Variants in ADGRL3 observed in about 807,000 individuals in gnomAD.
The protein encoded by ADGRL3 is adhesion G protein-coupled receptor L3, also known as calcium-independent alpha-latrotoxin receptor 3.
In ADGRL3, 62 loss-of-function variants were observed where a neutral mutation model predicts 153.5. The observed-to-expected ratio is 0.40, with a 90% CI of 0.33 to 0.50. The LOEUF is 0.50. ADGRL3 is among the 20% of genes least tolerant of loss of function. ADGRL3 has a pLI of 0.47. For synonymous variants in ADGRL3, 710 were observed against 672.5 expected, an observed-to-expected ratio of 1.06 and a Z score of -0.86; for missense variants, 1,641 against 1,859.4, an observed-to-expected ratio of 0.88 and a Z score of 2.16.
chr4:61,214,025 T>G (rs536640967), intron 1 of ADGRL3, among the ~76,000 whole-genome samples: 3 of 152,328 alleles, frequency 2.0e-5, no homozygotes, highest in East Asian at 3.9e-4. Flanking sequence ...CTCTCAGTTG[T>G]GTATTGTTCA....
chr4:62,013,956 T>C (rs1052448291), intron 21 of ADGRL3, among the ~76,000 whole-genome samples: 4 of 151,966 alleles, frequency 2.6e-5, no homozygotes, highest in African/African-American at 4.8e-5. Flanking sequence ...TACTTCAATA[T>C]GTGTGTGTGT....
intron 6 of ADGRL3, among the ~76,000 whole-genome samples, chr4:61,716,365 T>C (rs1188288940): frequency 6.6e-6 from 1 of 152,136 alleles, no homozygotes; most frequent in Non-Finnish European, 1.5e-5. Flanking sequence ...CAATGTAGCA[T>C]TGCTGCCAGG....
chr4:61,998,440 A>G (rs949868989), intron 21 of ADGRL3, among the ~76,000 whole-genome samples, 175 bp downstream of exon 21: 6 of 152,170 alleles, frequency 3.9e-5, no homozygotes, highest in Admixed American at 6.5e-5. Context: ...GAAAATAAGT[A>G]TAATAGAGTT....
intron 25 of ADGRL3, among the ~76,000 whole-genome samples, chr4:62,066,917 C>A (rs1220672609): frequency 6.6e-6 from 1 of 151,992 alleles, no homozygotes; most frequent in Non-Finnish European, 1.5e-5. Flanking sequence ...AAAGGCTCAG[C>A]CCCTCTGGGC....
At chr4:61,476,501 T>C (rs567748856) in intron 2 of ADGRL3, among the ~76,000 whole-genome samples, 28 of 151,076 alleles carry the variant, frequency 1.9e-4, no homozygotes, top group African/African-American at 6.3e-4. Context: ...AAGTTGGGAG[T>C]TCGAGACCAG....
intron 5 of ADGRL3, among the ~76,000 whole-genome samples, chr4:61,648,226 T>C (rs1258757359): frequency 6.6e-6 from 1 of 152,014 alleles, no homozygotes; most frequent in African/African-American, 2.4e-5. Flanking sequence ...TGACTCTAAG[T>C]ATTCCAGATC....
intron 13 of ADGRL3, among the ~76,000 whole-genome samples, chr4:61,922,680 C>A (rs888286861): frequency 4.6e-5 from 7 of 152,108 alleles, no homozygotes; most frequent in African/African-American, 7.2e-5. Flanking sequence ...AACACATATA[C>A]TTTAAGAAAA....
At chr4:61,639,476 T>C (rs2093571742) in intron 5 of ADGRL3, among the ~76,000 whole-genome samples, 1 of 152,166 alleles carries the variant, frequency 6.6e-6, no homozygotes, top group Non-Finnish European at 1.5e-5. Context: ...TCAAAACCTA[T>C]ACTATATACT....
chr4:61,847,417 A>G (rs1253922004), intron 9 of ADGRL3, among the ~76,000 whole-genome samples: 1 of 149,722 alleles, frequency 6.7e-6, no homozygotes, highest in Non-Finnish European at 1.5e-5. Context: ...ACCACACCAA[A>G]TCTATAGTGC....
rs1553908589 is a variant in ADGRL3, at chr4:62,007,381, T to TATATATATATATATAC, written c.3395+9119_3395+9120insTATATATATATACATA. ...TTATATATATATATATATATATATA[T>TATATATATATATATAC]ATACACACACACACATATATATATA... On this transcript the variant is annotated intron_variant, in intron 21 of 26. Coordinates refer to ENST00000683033, the MANE Select transcript of ADGRL3 (RefSeq NM_001387552.1). Among the ~76,000 whole-genome samples the TATATATATATATATAC allele has an allele frequency of 1.5e-3, 14 of 9,314 alleles. 2 individuals are homozygous for TATATATATATATATAC. In the South Asian group the frequency reaches 0.037, roughly 25 times the overall value. The allele number at this position is 9,314 out of a possible 152,430, so 6.1% of individuals were successfully genotyped here.
chr4:61,695,292 C>G (rs1020100933), intron 6 of ADGRL3, among the ~76,000 whole-genome samples: 1 of 152,170 alleles, frequency 6.6e-6, no homozygotes, highest in African/African-American at 2.4e-5. Context: ...TGAAATTACG[C>G]TTTGGTCCAT....
intron 8 of ADGRL3, among the ~76,000 whole-genome samples, chr4:61,782,922 C>T (rs558905053): frequency 6.6e-6 from 1 of 152,078 alleles, no homozygotes; most frequent in East Asian, 1.9e-4. Flanking sequence ...TGGAAAGAAT[C>T]CCATAGTCAC....
At chr4:61,989,450 A>G (rs2099096551) in intron 19 of ADGRL3, among the ~76,000 whole-genome samples, 1 of 152,058 alleles carries the variant, frequency 6.6e-6, no homozygotes, top group African/African-American at 2.4e-5. Context: ...TTTGTTATTG[A>G]CATATGAAGG....
At chr4:62,058,985 C>G (rs1738574618) in intron 25 of ADGRL3, among the ~76,000 whole-genome samples, 1 of 152,150 alleles carries the variant, frequency 6.6e-6, no homozygotes, top group African/African-American at 2.4e-5. Context: ...GGGAAGAAGA[C>G]AGCTTCTGTG....
intron 11 of ADGRL3, among the ~76,000 whole-genome samples, chr4:61,899,798 A>G (rs1358352464): frequency 6.6e-6 from 1 of 152,206 alleles, no homozygotes; most frequent in Non-Finnish European, 1.5e-5. Context: ...TTTCTGGTTC[A>G]TCAGCAGCAC....
At chr4:61,406,945 G>A (rs1249209025) in intron 2 of ADGRL3, among the ~76,000 whole-genome samples, 1 of 152,006 alleles carries the variant, frequency 6.6e-6, no homozygotes, top group African/African-American at 2.4e-5. Flanking sequence ...AAATGAGAGT[G>A]TAAGGTTTTA....
At chr4:61,424,621 AC>A (rs1181253591) in intron 2 of ADGRL3, among the ~76,000 whole-genome samples, 1 of 152,180 alleles carries the variant, frequency 6.6e-6, no homozygotes, top group Non-Finnish European at 1.5e-5. Flanking sequence ...GAATAAATGT[AC>A]AACATTGTGT....
At chr4:61,760,839 C>A (rs2096903968) in intron 8 of ADGRL3, among the ~76,000 whole-genome samples, 1 of 152,172 alleles carries the variant, frequency 6.6e-6, no homozygotes, top group Non-Finnish European at 1.5e-5. Flanking sequence ...GAAATTGCAA[C>A]AGAGAAAGAA....
Position 61,946,942 on chromosome 4 carries a change from T to C in ADGRL3, c.2448T>C (p.Tyr816=). ...NGEIRVAFVL[Y]NNLGPYLSTE... Reference sequence around the variant, plus strand: ...AGATCAGAGTGGCCTTTGTCCTGTATAACAACTTGGGTCCTTATTTATCCA... The same window carrying C: ...AGATCAGAGTGGCCTTTGTCCTGTACAACAACTTGGGTCCTTATTTATCCA... The change falls in exon 16 of 27, where the codon TAT becomes TAC. Residue 816 remains tyrosine, a synonymous_variant. Coordinates refer to ENST00000683033, the MANE Select transcript of ADGRL3 (RefSeq NM_001387552.1). The C allele has an allele frequency of 6.2e-7, 1 of 1,613,850 alleles. No individual in the cohort carries two copies. The highest frequency in any genetic ancestry group is 8.5e-7 in the Non-Finnish European group (1 of 1,179,802).
Sources: gnomAD v4.1 joint callset for allele counts (sites outside exome capture counted in the v4.1 genomes callset) on GRCh38, gnomAD v4.1.1 for gene constraint, MANE v1.5 for transcripts, NCBI Gene and HGNC (gene_info 2026-07-23, HGNC 2026-07-21) for gene names.